The following RAPGEF6 variants were observed in gnomAD, a reference collection of about 807,000 sequenced individuals.
RAPGEF6 encodes Rap guanine nucleotide exchange factor 6.
RAPGEF6 carries 56 observed loss-of-function variants against 171.4 expected under a neutral mutation model. That is an observed-to-expected ratio of 0.33 (90% CI 0.26 to 0.41). The LOEUF is 0.41. Among genes scored for constraint, RAPGEF6 ranks in the 10% least tolerant of loss-of-function variants. The pLI is 1.00. For missense variants in RAPGEF6, 1,674 were observed against 1,921.4 expected (o/e 0.87, Z 2.41); for synonymous variants, 692 against 650.1 (o/e 1.06, Z -0.98).
chr5:131,560,598 T>C (rs1761535491), intron 5 of RAPGEF6, among the ~76,000 whole-genome samples: 1 of 152,216 alleles, frequency 6.6e-6, no homozygotes. Flanking sequence ...GAAAGAATTC[T>C]GAGGCTCTAA....
At chr5:131,436,316 C>T in intron 24 of RAPGEF6, 1 of 1,537,554 alleles carries the variant, frequency 6.5e-7, no homozygotes. Context: ...TGCAAGTAAG[C>T]CCCACCTATT....
At chr5:131,594,508 A>T (rs1763775749) in intron 3 of RAPGEF6, among the ~76,000 whole-genome samples, 3 of 152,204 alleles carry the variant, frequency 2.0e-5, no homozygotes, top group Admixed American at 2.0e-4. Flanking sequence ...GTGGGGTTGG[A>T]GCCCCCACAC....
At chr5:131,584,694 C>CA (rs1346159810) in intron 4 of RAPGEF6, among the ~76,000 whole-genome samples, 9 of 152,166 alleles carry the variant, frequency 5.9e-5, no homozygotes, top group African/African-American at 2.2e-4. Flanking sequence ...GATGATTCAT[C>CA]AGTGGCCACC....
intron 6 of RAPGEF6, among the ~76,000 whole-genome samples, chr5:131,545,554 C>G (rs1401176097): frequency 6.6e-6 from 1 of 152,170 alleles, no homozygotes; most frequent in Non-Finnish European, 1.5e-5. Context: ...CTACTTGCTG[C>G]TCTCATAAAC....
chr5:131,497,378 CTCT>C lies in RAPGEF6; in HGVS notation c.1419+1062_1419+1064del, dbSNP rs545391165. On this transcript the variant is annotated intron_variant, in intron 12 of 27. Coordinates refer to ENST00000509018, the MANE Select transcript of RAPGEF6 (RefSeq NM_016340.6). ...TTTAATTTTGATGAGGTCCAATTAT[CTCT>C]TTTTTCTTTTGTTGCTTGTGCTTGG... Among the ~76,000 whole-genome samples, 158 of 152,288 alleles carry C rather than the reference CTCT, an allele frequency of 1.0e-3. 3 individuals are homozygous for C. In the South Asian group the frequency reaches 0.033, roughly 31 times the overall value.
intron 6 of RAPGEF6, among the ~76,000 whole-genome samples, chr5:131,523,188 AAT>A (rs1758617849): frequency 1.3e-5 from 2 of 151,936 alleles, no homozygotes; most frequent in African/African-American, 4.8e-5. Flanking sequence ...AACTGTCTTT[AAT>A]ATATACCAGG....
At chr5:131,579,730 A>C (rs942421719) in intron 4 of RAPGEF6, among the ~76,000 whole-genome samples, 1 of 152,076 alleles carries the variant, frequency 6.6e-6, no homozygotes, top group Non-Finnish European at 1.5e-5. Context: ...GACACAGAGC[A>C]CTGACTGGTG....
At chr5:131,632,519 T>C (rs1376611732) in intron 1 of RAPGEF6, among the ~76,000 whole-genome samples, 1 of 152,198 alleles carries the variant, frequency 6.6e-6, no homozygotes, top group Non-Finnish European at 1.5e-5. Flanking sequence ...AGCTACATAT[T>C]ATGTAACTTA....
At chr5:131,545,069 C>A (rs1271765784) in intron 6 of RAPGEF6, among the ~76,000 whole-genome samples, 1 of 151,938 alleles carries the variant, frequency 6.6e-6, no homozygotes, top group Admixed American at 6.6e-5. Context: ...AAAATTGTTG[C>A]AAACTCAGAG....
chr5:131,564,471 T>G (rs754463671), intron 4 of RAPGEF6, among the ~76,000 whole-genome samples: 70 of 152,288 alleles, frequency 4.6e-4, no homozygotes, highest in Middle Eastern at 3.4e-3. Context: ...CGCAAATACA[T>G]TTAAAAGATA....
chr5:131,634,723 C>A (rs1231658452), intron 1 of RAPGEF6, among the ~76,000 whole-genome samples: 1 of 152,140 alleles, frequency 6.6e-6, no homozygotes, highest in African/African-American at 2.4e-5. Flanking sequence ...GCTTTCTTAA[C>A]GACACTCAGA....
At chr5:131,436,224 C>CCTGT (rs1156822954) in intron 24 of RAPGEF6, 1 of 1,537,548 alleles carries the variant, frequency 6.5e-7, no homozygotes, top group South Asian at 1.2e-5. Context: ...CACAACTTGT[C>CCTGT]CTGTCTCTAT....
rs539518424 is a variant in RAPGEF6 at position 131,441,933 on chromosome 5, CTT to C, written c.3610+414_3610+415del. 4.6e-5 allele frequency among the ~76,000 whole-genome samples: 7 copies of C among 152,256 alleles called. No homozygotes were observed. The South Asian group carries it at 1.0e-3, about 23-fold the overall frequency. ...CTATATTTTATAAAAGTTATATTCT[CTT>C]GTTTCCCAACCACGTTTTCAGAAGG... On this transcript the variant is annotated intron_variant, in intron 23 of 27. Coordinates refer to ENST00000509018, the MANE Select transcript of RAPGEF6 (RefSeq NM_016340.6).
intron 4 of RAPGEF6, among the ~76,000 whole-genome samples, chr5:131,587,637 G>A (rs181927556): frequency 2.0e-5 from 3 of 152,244 alleles, no homozygotes; most frequent in East Asian, 3.9e-4. Context: ...GCTTTGGCAC[G>A]GTGAGTTCTT....
Position 131,514,713 on chromosome 5 carries a change from G to T in RAPGEF6, c.628-4222C>A, listed in dbSNP as rs114748634. ...CAAAAGCTACCCAATCTGAAGTAGA[G>T]ATGAGAAAAAAGCCAAAAAAAAATT... On this transcript the variant is annotated intron_variant, in intron 7 of 27. Coordinates refer to ENST00000509018, the MANE Select transcript of RAPGEF6 (RefSeq NM_016340.6). 7.2e-3 allele frequency among the ~76,000 whole-genome samples: 1,093 copies of T among 152,016 alleles called. 7 individuals carry two copies. The highest frequency in any genetic ancestry group is 0.024 in the African/African-American group (1,013 of 41,458).
chr5:131,566,788 A>G (rs1761972137), intron 4 of RAPGEF6, among the ~76,000 whole-genome samples: 1 of 150,410 alleles, frequency 6.6e-6, no homozygotes, highest in East Asian at 2.0e-4. Flanking sequence ...AGATTTGCCC[A>G]ATTTATTGAT....
Position 131,603,265 on chromosome 5 carries a change from A to T in RAPGEF6, c.197+6T>A. ...ATTAGTTTATGTGAATTATGGAAAT[A>T]CTTACCAAAAGAGAACCTGATTGCC... On this transcript the variant is annotated splice_donor_region_variant and intron_variant, in intron 3 of 27. Coordinates refer to ENST00000509018, the MANE Select transcript of RAPGEF6 (RefSeq NM_016340.6). The T allele has an allele frequency of 6.3e-7, 1 of 1,580,970 alleles. No homozygotes were observed.
intron 11 of RAPGEF6, among the ~76,000 whole-genome samples, chr5:131,502,400 A>G (rs1580928381): frequency 6.6e-6 from 1 of 152,346 alleles, no homozygotes; most frequent in East Asian, 1.9e-4. Context: ...TATCAGTTAC[A>G]AAGGGTAAAA....
intron 4 of RAPGEF6, among the ~76,000 whole-genome samples, chr5:131,566,984 C>A (rs1487188535): frequency 1.3e-5 from 2 of 151,536 alleles, no homozygotes; most frequent in African/African-American, 4.9e-5. Context: ...ATCTTAGCTA[C>A]TCAGGAGGCT....
Sources: gnomAD v4.1 joint callset for allele counts (sites outside exome capture counted in the v4.1 genomes callset) on GRCh38, gnomAD v4.1.1 for gene constraint, MANE v1.5 for transcripts, NCBI Gene and HGNC (gene_info 2026-07-23, HGNC 2026-07-21) for gene names.